The following PCDH15 variants were observed in gnomAD, a reference collection of about 807,000 sequenced individuals.
PCDH15 encodes protocadherin related 15.
A neutral mutation model predicts 178.5 loss-of-function variants in PCDH15; 129 were observed. That is an observed-to-expected ratio of 0.72 (90% CI 0.63 to 0.84). The LOEUF is 0.84. Among genes scored for constraint, PCDH15 ranks in the 40% least tolerant of loss-of-function variants. The pLI is 0.00. For missense variants in PCDH15, 2,230 were observed against 2,099.9 expected (o/e 1.06, Z -1.21); for synonymous variants, 800 against 732.0 (o/e 1.09, Z -1.50).
intron 7 of PCDH15, 136 bp from the exon 8 acceptor site, chr10:54,317,577 C>A (rs1424832772): frequency 1.0e-6 from 1 of 971,060 alleles, no homozygotes; most frequent in East Asian, 2.4e-5. Context: ...GGGTTTGATA[C>A]CAGCCTGGCA....
chr10:54,256,185 C>T (rs753141616), intron 8 of PCDH15, among the ~76,000 whole-genome samples: 1 of 152,114 alleles, frequency 6.6e-6, no homozygotes, highest in Non-Finnish European at 1.5e-5. Flanking sequence ...GCGTATCCTA[C>T]TGAAGAGAAG....
At chr10:53,950,887 T>A (rs986351858) in intron 23 of PCDH15, among the ~76,000 whole-genome samples, 6 of 152,214 alleles carry the variant, frequency 3.9e-5, no homozygotes, top group Non-Finnish European at 8.8e-5. Flanking sequence ...GAAAATCTCT[T>A]AGTAAATATG....
At chr10:54,313,324 G>A (rs1028413133) in intron 8 of PCDH15, among the ~76,000 whole-genome samples, 1 of 151,920 alleles carries the variant, frequency 6.6e-6, no homozygotes, top group Middle Eastern at 3.2e-3. Context: ...TATTGGACTG[G>A]GTTTGTCATC....
chr10:54,113,392 A>C (rs985316360), intron 15 of PCDH15, among the ~76,000 whole-genome samples: 1 of 152,164 alleles, frequency 6.6e-6, no homozygotes, highest in African/African-American at 2.4e-5. Context: ...TCATTCTCTG[A>C]GGCAGCAAAA....
At chr10:54,329,308 G>T (rs1159865) in intron 7 of PCDH15, among the ~76,000 whole-genome samples, 5 of 151,594 alleles carry the variant, frequency 3.3e-5, no homozygotes, top group South Asian at 2.1e-4. Context: ...TTCTGCTGCT[G>T]TTAATTTGCA....
intron 3 of PCDH15, among the ~76,000 whole-genome samples, chr10:54,383,627 T>TG (rs1589141516): frequency 0.21 from 21,443 of 104,594 alleles, 2,075 homozygotes; most frequent in Non-Finnish European, 0.22. Flanking sequence ...GTATGTGTGT[T>TG]TTTGTGTGTG....
chr10:54,565,410 C>T (rs944821624), intron 2 of PCDH15, among the ~76,000 whole-genome samples: 3 of 152,166 alleles, frequency 2.0e-5, no homozygotes, highest in Non-Finnish European at 4.4e-5. Context: ...CCACTGAGGC[C>T]TGACCTTAAC....
chr10:54,368,468 A>T (rs1392097980), intron 5 of PCDH15, among the ~76,000 whole-genome samples: 2 of 152,074 alleles, frequency 1.3e-5, no homozygotes, highest in Admixed American at 1.3e-4. Flanking sequence ...TTAACTAAAA[A>T]TAATTAATAC....
intron 2 of PCDH15, among the ~76,000 whole-genome samples, chr10:55,546,473 T>C (rs543168006): frequency 1.3e-5 from 2 of 152,268 alleles, no homozygotes; most frequent in East Asian, 3.9e-4. Context: ...TTATATATTA[T>C]TGAGTGTCAT....
chr10:54,954,715 G>A (rs1364964010), intron 2 of PCDH15, among the ~76,000 whole-genome samples: 6 of 151,134 alleles, frequency 4.0e-5, no homozygotes, highest in Non-Finnish European at 7.4e-5. Flanking sequence ...TTTAGCTCTG[G>A]TAGGATTTTA....
Position 54,668,174 on chromosome 10 carries a change from T to C in PCDH15, c.-28-3884A>G, listed in dbSNP as rs115828395. Among the ~76,000 whole-genome samples the C allele has an allele frequency of 4.7e-3, 713 of 152,158 alleles. 8 individuals carry two copies. Among genetic ancestry groups the C allele is most frequent in the Middle Eastern group, 0.014 (4 of 294 alleles). On this transcript the variant is annotated intron_variant, in intron 1 of 37. Coordinates refer to ENST00000644397, the MANE Select transcript of PCDH15 (RefSeq NM_001384140.1). Reference sequence around the variant, plus strand: ...GGGTCTACTAGATACCACTCACTCTTCTAGGCAGTTGGAAAATATCAGTGA... The same window carrying C: ...GGGTCTACTAGATACCACTCACTCTCCTAGGCAGTTGGAAAATATCAGTGA...
chr10:55,564,940 A>G (rs182563767), intron 2 of PCDH15, among the ~76,000 whole-genome samples: 60 of 151,804 alleles, frequency 4.0e-4, no homozygotes, highest in African/African-American at 1.4e-3. Context: ...TGGATAAACC[A>G]ATCAGAAGAT....
At chr10:54,928,151 C>T (rs1349999949) in intron 2 of PCDH15, among the ~76,000 whole-genome samples, 2 of 152,138 alleles carry the variant, frequency 1.3e-5, no homozygotes, top group Admixed American at 1.3e-4. Context: ...AGTCTCTCAG[C>T]ATTTGCTTGT....
intron 3 of PCDH15, among the ~76,000 whole-genome samples, chr10:54,398,612 A>C (rs1385475835): frequency 6.6e-6 from 1 of 152,082 alleles, no homozygotes; most frequent in Non-Finnish European, 1.5e-5. Context: ...AGTGAAATTT[A>C]ACCCTTCAAA....
chr10:55,085,635 A>C (rs2132030415), intron 2 of PCDH15, among the ~76,000 whole-genome samples: 1 of 151,426 alleles, frequency 6.6e-6, no homozygotes, highest in East Asian at 2.0e-4. Context: ...ATACCCATAT[A>C]AATTAAACAA....
intron 2 of PCDH15, among the ~76,000 whole-genome samples, chr10:54,644,466 A>G (rs113200875): frequency 2.5e-3 from 381 of 152,072 alleles, no homozygotes; most frequent in African/African-American, 8.6e-3. Flanking sequence ...TCATATTACA[A>G]TATATTCACT....
chr10:54,211,668 C>T (rs146983138), intron 10 of PCDH15, among the ~76,000 whole-genome samples: 11 of 151,740 alleles, frequency 7.2e-5, no homozygotes, highest in East Asian at 1.9e-4. Flanking sequence ...ATTTTTTCTC[C>T]GCTTTTGAAA....
intron 3 of PCDH15, among the ~76,000 whole-genome samples, chr10:54,468,491 T>C (rs2077678581): frequency 6.6e-6 from 1 of 152,088 alleles, no homozygotes; most frequent in African/African-American, 2.4e-5. Flanking sequence ...TTATTTTTTA[T>C]TCCACTGTGT....
chr10:54,086,336 C>T (rs72797008), intron 16 of PCDH15, among the ~76,000 whole-genome samples: 30,503 of 152,080 alleles, frequency 0.2, 3,279 homozygotes, highest in Non-Finnish European at 0.25. Context: ...TTCATTACCT[C>T]TGGTAACAAG....
Sources: allele counts gnomAD v4.1 joint callset (sites outside exome capture counted in the v4.1 genomes callset), GRCh38; gene constraint gnomAD v4.1.1; transcripts MANE v1.5; gene names NCBI Gene and HGNC (gene_info 2026-07-23, HGNC 2026-07-21).